The following PRAMEF15 variants were observed in gnomAD, a reference collection of about 807,000 sequenced individuals.
PRAMEF15 encodes the protein PRAME family member 9/15.
Under a neutral mutation model 35.3 loss-of-function variants are expected in PRAMEF15, and 21 were observed. The observed-to-expected ratio is 0.59, with a 90% CI of 0.42 to 0.86. The LOEUF is 0.86. Ranked by LOEUF, PRAMEF15 falls within the 40% of genes least tolerant of loss-of-function variation. The pLI, the probability that PRAMEF15 is intolerant of heterozygous loss-of-function variation, is 0.00. For synonymous variants in PRAMEF15, 122 were observed against 223.3 expected, an observed-to-expected ratio of 0.55 and a Z score of 4.05; for missense variants, 360 against 574.1, an observed-to-expected ratio of 0.63 and a Z score of 3.81.
In PRAMEF15 at chr1:13,318,285, G is replaced by C; in HGVS notation, c.-16-107G>C. On this transcript the variant is annotated intron_variant, in intron 1 of 3. Transcript: ENST00000376152. ...CAGAGTAGAATTGGAGTAAACTGAG[G>C]ACTCTTTCACCATTGCCAGAGCAGT... The C allele has an allele frequency of 2.5e-6, 4 of 1,582,818 alleles. 1 individual carries two copies. In the South Asian group the frequency reaches 3.4e-5, roughly 14 times the overall value.
At position 13,319,322 on chromosome 1, in the gene PRAMEF15, G is replaced by A. The variant is rs1174599830; in HGVS notation, c.294-50G>A. The A allele has an allele frequency of 4.0e-4, 636 of 1,603,660 alleles. 12 individuals are homozygous for A. The East Asian group carries it at 6.7e-3, about 17-fold the overall frequency. ...CTGCTATCCAGGATGTGGAGTTTAA[G>A]TTCAGAAATGAGTTCTTAAATTCTC... On this transcript the variant is annotated intron_variant, in intron 2 of 3. Coordinates refer to ENST00000376152, the MANE Select transcript of PRAMEF15 (RefSeq NM_001098376.3).
intron 1 of PRAMEF15, 123 bp from the exon 2 acceptor site, chr1:13,318,269 A>T: frequency 6.5e-7 from 1 of 1,537,294 alleles, no homozygotes; most frequent in Non-Finnish European, 8.9e-7. Context: ...ACAGAGTAGA[A>T]TTGGAGTAAA....
intron 3 of PRAMEF15, among the ~76,000 whole-genome samples, chr1:13,320,476 T>C (rs1640069661): frequency 6.6e-6 from 1 of 152,084 alleles, no homozygotes; most frequent in African/African-American, 2.4e-5. Context: ...CAGGCTACAG[T>C]GCAGTTGTGA....
At chr1:13,321,225 T>A (rs1349611680) in intron 3 of PRAMEF15, among the ~76,000 whole-genome samples, 1 of 145,798 alleles carries the variant, frequency 6.9e-6, no homozygotes, top group Non-Finnish European at 1.5e-5. Context: ...TCTCCTTTTT[T>A]TTTTTTCAAA....
At position 13,322,174 on chromosome 1, in the gene PRAMEF15, C is replaced by A. The variant is rs1412679351; in HGVS notation, c.1347C>A (p.His449Gln). ...ELMNRVRDLR[H>Q]PKRILFCTDY... ...TGAACAGAGTGAGGGACTTAAGGCA[C>A]CCCAAGAGGATCTTGTTCTGTACTG... Residue 449 changes from histidine to glutamine, a missense_variant, in exon 4 of 4, where the codon CAC becomes CAA. Around this residue, in one of 8 missense-constraint regions of PRAMEF15, gnomAD observed 147 missense variants for 123.5 expected, o/e 1.19. Coordinates refer to ENST00000376152, the MANE Select transcript of PRAMEF15 (RefSeq NM_001098376.3). The A allele has an allele frequency of 4.5e-5, 72 of 1,608,758 alleles. No homozygotes were observed. Among genetic ancestry groups the A allele is most frequent in the Non-Finnish European group, 5.2e-5 (61 of 1,179,170 alleles).
intron 3 of PRAMEF15, among the ~76,000 whole-genome samples, chr1:13,320,795 C>A (rs1640074083): frequency 6.6e-6 from 1 of 152,254 alleles, no homozygotes; most frequent in African/African-American, 2.4e-5. Flanking sequence ...GAATGCTCAG[C>A]AAACCTGCAC....
intron 3 of PRAMEF15, among the ~76,000 whole-genome samples, chr1:13,320,918 A>G (rs1476747303): frequency 6.6e-6 from 1 of 152,066 alleles, no homozygotes; most frequent in Non-Finnish European, 1.5e-5. Flanking sequence ...TTATCTAGGC[A>G]ATGCATGATT....
chr1:13,316,684 G>A (rs1325495537), intron 1 of PRAMEF15, among the ~76,000 whole-genome samples: 1 of 151,752 alleles, frequency 6.6e-6, no homozygotes, highest in Non-Finnish European at 1.5e-5. Flanking sequence ...ATATGACCCA[G>A]GTGATCATGG....
intron 2 of PRAMEF15, among the ~76,000 whole-genome samples, chr1:13,318,927 A>T (rs1640042479): frequency 6.6e-6 from 1 of 151,898 alleles, no homozygotes; most frequent in Non-Finnish European, 1.5e-5. Flanking sequence ...GAAAAGTGAG[A>T]ACTGGGCCGG....
intron 2 of PRAMEF15, 142 bp from the exon 3 acceptor site, chr1:13,319,230 A>G: frequency 1.0e-6 from 1 of 952,564 alleles, no homozygotes; most frequent in Non-Finnish European, 1.5e-6. Context: ...GGAAGTGGGC[A>G]GGATCCAAGG....
At chr1:13,320,195 T>G (rs1301966788) in intron 3 of PRAMEF15, among the ~76,000 whole-genome samples, 1 of 152,066 alleles carries the variant, frequency 6.6e-6, no homozygotes, top group Non-Finnish European at 1.5e-5. Flanking sequence ...GGAAGCTAGC[T>G]ACTGGGGGGT....
chr1:13,321,984 G>T lies in PRAMEF15; in HGVS notation c.1157G>T (p.Ser386Ile). The T allele has an allele frequency of 6.2e-7, 1 of 1,610,972 alleles. No homozygotes were observed. The highest frequency in any genetic ancestry group is 1.1e-5 in the South Asian group (1 of 90,872). ...LSRCFELNTF[S>I]FCGNPICMAT... ...CGCTGCTTTGAGCTCAACACCTTCA[G>T]CTTCTGTGGAAATCCCATCTGCATG... The change falls in exon 4 of 4, where the codon AGC becomes ATC. Residue 386 changes from serine to isoleucine, a missense_variant. By Grantham distance (142) the Ser-to-Ile change is moderately radical. Around this residue, in one of 8 missense-constraint regions of PRAMEF15, gnomAD observed 147 missense variants for 123.5 expected, o/e 1.19. Transcript: ENST00000376152.
rs1376258200 is a variant in PRAMEF15, at chr1:13,321,715, C to T, written c.888C>T (p.Thr296=). 1.2e-6 allele frequency: 2 copies of T among 1,607,592 alleles called. No individual in the cohort carries two copies. Among genetic ancestry groups the T allele is most frequent in the Non-Finnish European group, 1.7e-6 (2 of 1,177,246 alleles). ...HLDQLLSCLK[T]SLKVLTITNC... is the part of the protein sequence containing the mutation. Reference sequence around the variant, plus strand: ...TCTCTCTCCCCAGCTGTCTGAAGACCTCGTTAAAAGTCCTCACAATAACTA... The same window carrying T: ...TCTCTCTCCCCAGCTGTCTGAAGACTTCGTTAAAAGTCCTCACAATAACTA... The change falls in exon 4 of 4, where the codon ACC becomes ACT. Residue 296 remains threonine, a synonymous_variant. Transcript: ENST00000376152.
intron 3 of PRAMEF15, among the ~76,000 whole-genome samples, chr1:13,320,429 C>G (rs1354304028): frequency 6.7e-6 from 1 of 149,632 alleles, no homozygotes; most frequent in East Asian, 2.0e-4. Context: ...AACAAGATAA[C>G]TTTTTTTTTC....
intron 1 of PRAMEF15, among the ~76,000 whole-genome samples, chr1:13,316,669 A>C (rs79767376): frequency 1.9e-4 from 29 of 151,972 alleles, no homozygotes; most frequent in African/African-American, 2.2e-4. Flanking sequence ...GCACCAAAAA[A>C]AATTATATGA....
At chr1:13,317,496 G>A (rs76017315) in intron 1 of PRAMEF15, among the ~76,000 whole-genome samples, 3 of 151,970 alleles carry the variant, frequency 2.0e-5, no homozygotes, top group Non-Finnish European at 4.4e-5. Flanking sequence ...AGGCTGGGGT[G>A]GAGGCTCACA....
Position 13,322,457 on chromosome 1 carries a change from T to A in PRAMEF15, c.*193T>A. Reference sequence around the variant, plus strand: ...AATGTTGCCATGGATTCGATGGGACTTTGGGGACCTGTGTCCTGTAGATTC... The same window carrying A: ...AATGTTGCCATGGATTCGATGGGACATTGGGGACCTGTGTCCTGTAGATTC... On this transcript the variant is annotated 3_prime_UTR_variant, in exon 4 of 4. Transcript: ENST00000376152. The A allele has an allele frequency of 8.9e-6, 7 of 789,184 alleles. No homozygotes were observed. The highest frequency in any genetic ancestry group is 1.4e-5 in the Non-Finnish European group (7 of 504,542). The allele number at this position is 789,184 out of a possible 1,614,324, so 48.9% of individuals were successfully genotyped here.
At position 13,322,047 on chromosome 1, in the gene PRAMEF15, T is replaced by G; in HGVS notation, c.1220T>G (p.Leu407Arg). The G allele has an allele frequency of 1.2e-5, 20 of 1,609,976 alleles. No homozygotes were observed. The highest frequency in any genetic ancestry group is 1.5e-5 in the Non-Finnish European group (18 of 1,179,088). ...LENLLSHTII[L>R]KNLCVELYPA... ...AACCTGCTGAGCCACACAATCATAC[T>G]CAAAAACTTATGTGTGGAGCTGTAT... The change falls in exon 4 of 4, where the codon CTC becomes CGC. Residue 407 changes from leucine to arginine, a missense_variant. Physicochemically the swap from Leu to Arg is moderately radical, Grantham distance 102. Coordinates refer to ENST00000376152, the MANE Select transcript of PRAMEF15 (RefSeq NM_001098376.3).
At position 13,319,706 on chromosome 1, in the gene PRAMEF15, C is replaced by T; in HGVS notation, c.628C>T (p.Gln210Ter). 6.3e-7 allele frequency: 1 copy of T among 1,587,718 alleles called. No individual in the cohort carries two copies. Among genetic ancestry groups the T allele is most frequent in the Non-Finnish European group, 8.6e-7 (1 of 1,168,450 alleles). The change falls in exon 3 of 4, where the codon CAG becomes TAG. Residue 210 changes from glutamine to a stop codon, truncating the protein, a stop_gained. Coordinates refer to ENST00000376152, the MANE Select transcript of PRAMEF15 (RefSeq NM_001098376.3). LOFTEE classifies it high-confidence loss of function. ...ILKMVNLDCI[Q>*]EVEVNCKWVL... ...GAAAATGGTGAACCTAGACTGTATC[C>T]AGGAGGTGGAAGTGAATTGCAAGTG... is the stretch of plus-strand genomic sequence containing the variant.
Sources: gnomAD v4.1 joint callset for allele counts (sites outside exome capture counted in the v4.1 genomes callset) on GRCh38, gnomAD v4.1.1 for gene constraint, gnomAD v4.1.1 regional missense constraint, MANE v1.5 for transcripts, NCBI Gene and HGNC (gene_info 2026-07-23, HGNC 2026-07-21) for gene names.